SI: variants seen among roughly 807,000 people sequenced by gnomAD.
The protein encoded by SI is sucrase-isomaltase.
In SI, 235 loss-of-function variants were observed where a neutral mutation model predicts 253.3. The observed-to-expected ratio is 0.93, with a 90% CI of 0.83 to 1.03. The LOEUF (loss-of-function observed/expected upper bound fraction) is 1.03, where lower values mean the gene tolerates loss of function less well. Ranked by LOEUF, SI falls within the 50% of genes least tolerant of loss-of-function variation. The pLI is 0.00. For synonymous variants in SI, 819 were observed against 712.0 expected (o/e 1.15, Z -2.39); for missense variants, 2,442 against 2,211.1 (o/e 1.10, Z -2.09).
chr3:165,008,127 CA>C, intron 35 of SI, 129 bp from the exon 36 acceptor site: 1 of 507,450 alleles, frequency 2.0e-6, no homozygotes, highest in Non-Finnish European at 3.6e-6. Context: ...CTATTCTAAA[CA>C]AACAAAATTG....
At chr3:165,061,133 T>C (rs1476596651) in intron 9 of SI, among the ~76,000 whole-genome samples, 3 of 151,796 alleles carry the variant, frequency 2.0e-5, no homozygotes, top group African/African-American at 7.2e-5. Flanking sequence ...TCTTCTCATA[T>C]ATGTGTGAAG....
intron 27 of SI, among the ~76,000 whole-genome samples, 183 bp downstream of exon 27, chr3:165,021,046 C>T (rs1711581618): frequency 6.6e-6 from 1 of 151,550 alleles, no homozygotes; most frequent in Admixed American, 6.6e-5. Flanking sequence ...TGGGCCAATC[C>T]TTTAAAATAG....
At chr3:165,082,284 A>C (rs898448037), upstream of SI, among the ~76,000 whole-genome samples, 1 of 151,862 alleles carries the variant, frequency 6.6e-6, no homozygotes, top group Non-Finnish European at 1.5e-5. Context: ...GCTCTTCCTC[A>C]GTGTCTCATA....
chr3:165,055,325 T>C lies in SI; in HGVS notation c.1399-18A>G. On this transcript the variant is annotated intron_variant, in intron 12 of 47. Transcript: ENST00000264382. The stretch of plus-strand genomic sequence containing the variant: ...GGCCATACCTAGAAGAATAGATCAT[T>C]CACATATATACATAAAAAATAGAAA... 1 of 1,233,342 alleles carries C rather than the reference T, an allele frequency of 8.1e-7. No homozygotes were observed. The highest frequency in any genetic ancestry group is 1.2e-6 in the Non-Finnish European group (1 of 834,780). 76.4% of individuals were successfully genotyped at this position (1,233,342 alleles called of 1,614,324 possible). A position where few individuals can be genotyped will look rare whatever the true frequency, so the allele number is the denominator to read the frequency against.
rs1466560924 is a variant in SI at position 164,994,271 on chromosome 3, T to A, written c.4827A>T (p.Arg1609=). Residue 1609 remains arginine (R), a synonymous_variant, in exon 41 of 48, where the codon CGA becomes CGT. Transcript: ENST00000264382. ...TTTGTACTTACTCATGCAAAAGGGGTCGGATAACAGTGCCACCATTAGCAT... is the reference window on the plus strand; with the variant it reads ...TTTGTACTTACTCATGCAAAAGGGGACGGATAACAGTGCCACCATTAGCAT... ...EIHANGGTVI[R]PLLHEFFDEK... is the part of the protein sequence containing the mutation. 1 of 1,610,716 alleles carries A rather than the reference T, an allele frequency of 6.2e-7. No individual in the cohort carries two copies. The highest frequency in any genetic ancestry group is 8.5e-7 in the Non-Finnish European group (1 of 1,177,786).
chr3:165,022,902 ATACT>A (rs1427044541), intron 26 of SI, among the ~76,000 whole-genome samples: 3 of 151,632 alleles, frequency 2.0e-5, no homozygotes, highest in African/African-American at 7.3e-5. Flanking sequence ...TAATTTTAAA[ATACT>A]TAATATGAAC....
chr3:165,009,493 G>T, intron 34 of SI, 98 bp from the exon 35 acceptor site: 1 of 740,066 alleles, frequency 1.4e-6, no homozygotes, highest in South Asian at 1.5e-5. Context: ...AGTCATGTAT[G>T]ACTGATAATG....
At chr3:165,085,459 C>T in the SI span, among the ~76,000 whole-genome samples, 6 of 152,170 alleles carry the variant, frequency 3.9e-5, no homozygotes, top group Admixed American at 2.0e-4. Context: ...TTTTTGGGCA[C>T]AAAATATGGG....
upstream of SI, among the ~76,000 whole-genome samples, chr3:165,081,539 A>G (rs1715323033): frequency 6.6e-6 from 1 of 152,076 alleles, no homozygotes; most frequent in African/African-American, 2.4e-5. Flanking sequence ...TAAAAGTTAC[A>G]TGATTTAATA....
intron 25 of SI, among the ~76,000 whole-genome samples, chr3:165,028,981 A>G (rs560110027): frequency 6.6e-6 from 1 of 151,720 alleles, no homozygotes; most frequent in African/African-American, 2.4e-5. Flanking sequence ...AGCAGAGTAA[A>G]CAGACAACCC....
intron 37 of SI, among the ~76,000 whole-genome samples, chr3:165,000,288 G>C (rs538909806): frequency 6.6e-6 from 1 of 151,252 alleles, no homozygotes; most frequent in South Asian, 2.1e-4. Context: ...ATTAATAGCT[G>C]AATATATGCT....
intron 17 of SI, among the ~76,000 whole-genome samples, chr3:165,041,428 T>C (rs1401686156): frequency 6.6e-6 from 1 of 152,064 alleles, no homozygotes; most frequent in African/African-American, 2.4e-5. Context: ...CATGGAATGT[T>C]GTAATCCCTA....
At chr3:165,054,910 G>C (rs766978102) in intron 13 of SI, among the ~76,000 whole-genome samples, 3 of 152,066 alleles carry the variant, frequency 2.0e-5, no homozygotes, top group Non-Finnish European at 4.4e-5. Context: ...TTCAGGTAAA[G>C]TATTAGTCAT....
intron 26 of SI, 116 bp downstream of exon 26, chr3:165,023,454 A>G (rs770249709): frequency 9.0e-6 from 7 of 775,360 alleles, no homozygotes; most frequent in Non-Finnish European, 1.5e-5. Context: ...TAAAATCAAA[A>G]TATTATCAAA....
At chr3:165,010,058 G>T (rs1478161699) in intron 34 of SI, among the ~76,000 whole-genome samples, 3 of 152,160 alleles carry the variant, frequency 2.0e-5, no homozygotes, top group Non-Finnish European at 4.4e-5. Flanking sequence ...TTAAGATTCT[G>T]TTGTAACGGC....
intron 25 of SI, among the ~76,000 whole-genome samples, chr3:165,029,657 T>C (rs534845128): frequency 1.4e-5 from 2 of 147,132 alleles, no homozygotes; most frequent in African/African-American, 4.9e-5. Context: ...ACATTAAAAT[T>C]ATTTAATAGG....
At chr3:164,990,898 T>TAAAAAA (rs539924822) in intron 44 of SI, among the ~76,000 whole-genome samples, 20 of 147,660 alleles carry the variant, frequency 1.4e-4, no homozygotes, top group African/African-American at 4.9e-4. Flanking sequence ...TAAAGTATAG[T>TAAAAAA]AAAAAAAAAA....
At chr3:164,990,274 C>T (rs568347912) in intron 44 of SI, among the ~76,000 whole-genome samples, 9 of 152,042 alleles carry the variant, frequency 5.9e-5, no homozygotes, top group Non-Finnish European at 8.8e-5. Context: ...TTCATGTTTT[C>T]GTAAAGTGAT....
chr3:165,034,931 C>A (rs1712450246), intron 22 of SI, among the ~76,000 whole-genome samples: 1 of 151,854 alleles, frequency 6.6e-6, no homozygotes, highest in African/African-American at 2.4e-5. Flanking sequence ...GAAGTTATTG[C>A]CCTAAATTAA....
Sources: gnomAD v4.1 joint callset for allele counts (sites outside exome capture counted in the v4.1 genomes callset) on GRCh38, gnomAD v4.1.1 for gene constraint, MANE v1.5 for transcripts, NCBI Gene and HGNC (gene_info 2026-07-23, HGNC 2026-07-21) for gene names.